SDK1: variants seen among roughly 807,000 people sequenced by gnomAD.
SDK1 encodes sidekick cell adhesion molecule 1, also known as protein sidekick-1.
In SDK1, 157 loss-of-function variants were observed where a neutral mutation model predicts 245.5. That is an observed-to-expected ratio of 0.64 (90% CI 0.56 to 0.73). The LOEUF (loss-of-function observed/expected upper bound fraction) is 0.73, where lower values mean the gene tolerates loss of function less well. SDK1 is among the 30% of genes least tolerant of loss of function. The probability of loss-of-function intolerance (pLI) is 0.00; values close to 1 mark genes in which losing one functional copy is unlikely to be tolerated. For synonymous variants in SDK1, 1,647 were observed against 1,278.5 expected, an observed-to-expected ratio of 1.29 and a Z score of -6.15; for missense variants, 3,583 against 3,002.3, an observed-to-expected ratio of 1.19 and a Z score of -4.52.
At position 3,681,611 on chromosome 7, in the gene SDK1, G is replaced by A. The variant is rs967060422; in HGVS notation, c.713+39506G>A. On this transcript the variant is annotated intron_variant, in intron 4 of 44. Transcript: ENST00000404826. ...TTGACATATCATACTTACTTACAGT[G>A]TATATTATGTGTCTCCCATCACTAA... is the stretch of plus-strand genomic sequence containing the variant. Among the ~76,000 whole-genome samples, 7 of 152,196 alleles carry A rather than the reference G, an allele frequency of 4.6e-5. No homozygotes were observed. In the East Asian group the frequency reaches 1.3e-3, roughly 29 times the overall value.
At chr7:3,309,524 A>ATTTT (rs59762021) in intron 1 of SDK1, among the ~76,000 whole-genome samples, 4,800 of 127,280 alleles carry the variant, frequency 0.038, 211 homozygotes, top group African/African-American at 0.091. Flanking sequence ...CTAGAAAAAG[A>ATTTT]TTTTTTTTTT....
rs114258226 is a variant in SDK1 at position 4,068,675 on chromosome 7, C to T, written c.3010+739C>T. The stretch of plus-strand genomic sequence containing the variant: ...CTCCTCTCCTGGTTTGAGGGGGTCT[C>T]TGTGGGAGACAGCTCACCTTTTTTA... On this transcript the variant is annotated intron_variant, in intron 20 of 44. Coordinates refer to ENST00000404826, the MANE Select transcript of SDK1 (RefSeq NM_152744.4). Among the ~76,000 whole-genome samples the T allele has an allele frequency of 3.4e-3, 511 of 151,768 alleles. 5 individuals are homozygous for T. The highest frequency in any genetic ancestry group is 0.012 in the African/African-American group (487 of 41,204).
chr7:3,463,392 A>G (rs1780893499), intron 1 of SDK1, among the ~76,000 whole-genome samples: 1 of 152,162 alleles, frequency 6.6e-6, no homozygotes. Context: ...ACATAGATTG[A>G]GTTTTGAGCC....
chr7:4,107,912 A>T lies in SDK1; in HGVS notation c.3325-2751A>T, dbSNP rs114178669. Among the ~76,000 whole-genome samples the T allele has an allele frequency of 2.0e-3, 298 of 152,290 alleles. 1 individual carries two copies. The highest frequency in any genetic ancestry group is 7.0e-3 in the African/African-American group (289 of 41,544). ...GACAAACATTTGGTGACCTTGAATGAATCACTCTTTTTCTGGGCCTCAGCT... is the reference window on the plus strand; with the variant it reads ...GACAAACATTTGGTGACCTTGAATGTATCACTCTTTTTCTGGGCCTCAGCT... On this transcript the variant is annotated intron_variant, in intron 22 of 44. Transcript: ENST00000404826.
chr7:3,453,715 C>A (rs939539088), intron 1 of SDK1, among the ~76,000 whole-genome samples: 2 of 152,012 alleles, frequency 1.3e-5, no homozygotes, highest in Admixed American at 6.6e-5. Context: ...CACTCACTGG[C>A]ACTACAGGTG....
intron 1 of SDK1, among the ~76,000 whole-genome samples, chr7:3,369,357 C>T (rs1915983): frequency 0.77 from 116,783 of 152,126 alleles, 45,459 homozygotes; most frequent in African/African-American, 0.9. Flanking sequence ...TAAATTCTTA[C>T]TGAAACAGTC....
chr7:3,497,770 C>G (rs1782071049), intron 1 of SDK1, among the ~76,000 whole-genome samples: 1 of 152,148 alleles, frequency 6.6e-6, no homozygotes, highest in Admixed American at 6.5e-5. Context: ...ATTTTGTTTC[C>G]TTTCTTTCTT....
At chr7:3,519,510 G>A (rs1782863932) in intron 1 of SDK1, among the ~76,000 whole-genome samples, 1 of 152,040 alleles carries the variant, frequency 6.6e-6, no homozygotes, top group African/African-American at 2.4e-5. Context: ...CAACATTTCT[G>A]TATTGCTTGC....
chr7:3,431,262 C>T (rs962405358), intron 1 of SDK1, among the ~76,000 whole-genome samples: 2 of 151,626 alleles, frequency 1.3e-5, no homozygotes, highest in Non-Finnish European at 2.9e-5. Flanking sequence ...CCAAACTATA[C>T]TTTCACATCC....
At position 3,503,682 on chromosome 7, in the gene SDK1, A is replaced by G. The variant is rs540067170; in HGVS notation, c.299-115398A>G. 2.2e-4 allele frequency among the ~76,000 whole-genome samples: 34 copies of G among 152,252 alleles called. 1 individual carries two copies. Among genetic ancestry groups the G allele is most frequent in the African/African-American group, 8.2e-4 (34 of 41,536 alleles). On this transcript the variant is annotated intron_variant, in intron 1 of 44. Coordinates refer to ENST00000404826, the MANE Select transcript of SDK1 (RefSeq NM_152744.4). ...ATAGAGCCAGACCTTCATATCTTAA[A>G]AAAACAAAACAAAATGCATTTATAG...
intron 1 of SDK1, among the ~76,000 whole-genome samples, chr7:3,567,376 G>C (rs1263078504): frequency 6.6e-6 from 1 of 152,140 alleles, no homozygotes; most frequent in Non-Finnish European, 1.5e-5. Context: ...TATTATTGTG[G>C]AATTATTCCT....
chr7:3,439,009 C>T (rs58387131), intron 1 of SDK1, among the ~76,000 whole-genome samples: 7 of 151,968 alleles, frequency 4.6e-5, no homozygotes, highest in Middle Eastern at 3.4e-3. Context: ...CCTGCTACCA[C>T]GCCCAGCTCA....
intron 44 of SDK1, among the ~76,000 whole-genome samples, chr7:4,260,240 A>T (rs375574218): frequency 7.1e-6 from 1 of 141,378 alleles, no homozygotes; most frequent in South Asian, 2.4e-4. Flanking sequence ...AGATGTGTTC[A>T]TCGTCACCTG....
chr7:4,238,686 T>G (rs1301034278), intron 42 of SDK1, among the ~76,000 whole-genome samples: 2 of 151,876 alleles, frequency 1.3e-5, no homozygotes, highest in African/African-American at 4.8e-5. Flanking sequence ...GTAGCTAGGA[T>G]TACAGGCATG....
At chr7:3,665,479 T>C (rs2128660874) in intron 4 of SDK1, among the ~76,000 whole-genome samples, 1 of 152,338 alleles carries the variant, frequency 6.6e-6, no homozygotes, top group South Asian at 2.1e-4. Context: ...CACCTTTGCA[T>C]CTCTTGTATA....
At position 3,769,621 on chromosome 7, in the gene SDK1, C is replaced by G. The variant is rs372201846; in HGVS notation, c.714-51829C>G. On this transcript the variant is annotated intron_variant, in intron 4 of 44. Transcript: ENST00000404826. ...TTCAAGCCATAGCGGTGACATCTTG[C>G]AGAATTGCACTGGAATATCAGGACC... 2.6e-4 allele frequency among the ~76,000 whole-genome samples: 40 copies of G among 152,164 alleles called. No homozygotes were observed. The East Asian group carries it at 4.1e-3, about 15-fold the overall frequency.
chr7:3,952,146 C>CT (rs1335613794), intron 7 of SDK1: 2 of 542,402 alleles, frequency 3.7e-6, no homozygotes, highest in African/African-American at 3.9e-5. Flanking sequence ...AAACGTCCTT[C>CT]TGAATACTCC....
intron 2 of SDK1, among the ~76,000 whole-genome samples, chr7:3,625,548 C>T (rs1006330155): frequency 6.6e-6 from 1 of 152,140 alleles, no homozygotes; most frequent in African/African-American, 2.4e-5. Context: ...GTGCAGGGAT[C>T]CCTTATCAAG....
intron 1 of SDK1, among the ~76,000 whole-genome samples, chr7:3,435,023 A>G (rs1367635583): frequency 6.6e-6 from 1 of 152,222 alleles, no homozygotes; most frequent in Non-Finnish European, 1.5e-5. Context: ...GGATCCCATT[A>G]ATAAGATACA....
Sources: gnomAD v4.1 joint callset for allele counts (sites outside exome capture counted in the v4.1 genomes callset) on GRCh38, gnomAD v4.1.1 for gene constraint, MANE v1.5 for transcripts, NCBI Gene and HGNC (gene_info 2026-07-23, HGNC 2026-07-21) for gene names.